Variants in USP6 observed in about 807,000 individuals in gnomAD.
USP6 encodes the protein ubiquitin carboxyl-terminal hydrolase 6.
In USP6, 128 loss-of-function variants were observed where a neutral mutation model predicts 175.7. That is an observed-to-expected ratio of 0.73 (90% CI 0.63 to 0.84). The LOEUF (loss-of-function observed/expected upper bound fraction) is 0.84, where lower values mean the gene tolerates loss of function less well. USP6 is among the 40% of genes least tolerant of loss of function. USP6 has a pLI of 0.00. For synonymous variants in USP6, 562 were observed against 630.6 expected, an observed-to-expected ratio of 0.89 and a Z score of 1.63; for missense variants, 1,498 against 1,760.3, an observed-to-expected ratio of 0.85 and a Z score of 2.67.
At position 5,140,182 on chromosome 17, in the gene USP6, A is replaced by G. The variant is rs1332528866; in HGVS notation, c.1498+508A>G. On this transcript the variant is annotated intron_variant, in intron 22 of 37. Transcript: ENST00000574788. Reference sequence around the variant, plus strand: ...GTTTCCTGTTGAAATGATTTTAGATATACAGAAATATTGTAAAGGCACTAC... The same window carrying G: ...GTTTCCTGTTGAAATGATTTTAGATGTACAGAAATATTGTAAAGGCACTAC... Among the ~76,000 whole-genome samples, 5 of 152,180 alleles carry G rather than the reference A, an allele frequency of 3.3e-5. No homozygotes were observed. The East Asian group carries it at 9.6e-4, about 29-fold the overall frequency.
chr17:5,146,979 T>A (rs758796833), intron 28 of USP6, 104 bp from the exon 29 acceptor site: 19 of 1,180,546 alleles, frequency 1.6e-5, no homozygotes, highest in Non-Finnish European at 2.2e-5. Flanking sequence ...GTTGGTTTTA[T>A]GGATGAAAGG....
intron 37 of USP6, among the ~76,000 whole-genome samples, chr17:5,172,183 A>AG (rs2074236004): frequency 6.6e-6 from 1 of 151,728 alleles, no homozygotes; most frequent in African/African-American, 2.4e-5. Flanking sequence ...TCAAAAAAAA[A>AG]AAAAAAAAGT....
At chr17:5,138,819 G>C (rs1005122775) in intron 21 of USP6, among the ~76,000 whole-genome samples, 20 of 152,194 alleles carry the variant, frequency 1.3e-4, no homozygotes, top group African/African-American at 4.8e-4. Flanking sequence ...GGTCAGTCCT[G>C]GCATGGACTG....
intron 4 of USP6, among the ~76,000 whole-genome samples, chr17:5,124,084 A>G (rs1389397201): frequency 6.6e-6 from 1 of 152,140 alleles, no homozygotes; most frequent in African/African-American, 2.4e-5. Context: ...CAGGCTGCCT[A>G]CCCACGGGCA....
intron 30 of USP6, among the ~76,000 whole-genome samples, chr17:5,153,865 AGGCT>A (rs1452561060): frequency 1.3e-5 from 2 of 152,022 alleles, no homozygotes; most frequent in Non-Finnish European, 2.9e-5. Context: ...CGTATTGGCC[AGGCT>A]GGTCTCGCAC....
chr17:5,133,530 A>G lies in USP6; in HGVS notation c.364A>G (p.Lys122Glu). The change falls in exon 14 of 38, where the codon AAA becomes GAA. Residue 122 changes from lysine (K) to glutamate (E), a missense_variant. Lys to Glu is a moderately conservative substitution (Grantham distance 56, BLOSUM62 1). This residue lies in a region of USP6 where 281 missense variants were observed against 259.6 expected (regional missense o/e 1.08). Transcript: ENST00000574788. ...VLLNIQEIKL[K>E]NPGRYQIMKE... is the part of the protein sequence containing the mutation. Reference sequence around the variant, plus strand: ...CCTGAACATTCAGGAAATCAAGTTGAAAAACCCCGGAAGATACCAGGTATG... The same window carrying G: ...CCTGAACATTCAGGAAATCAAGTTGGAAAACCCCGGAAGATACCAGGTATG... 2 of 1,611,214 alleles carry G rather than the reference A, an allele frequency of 1.2e-6. No individual in the cohort carries two copies. The highest frequency in any genetic ancestry group is 2.7e-5 in the African/African-American group (2 of 74,906).
At chr17:5,139,137 G>T in intron 21 of USP6, 118 bp from the exon 22 acceptor site, 1 of 1,597,696 alleles carries the variant, frequency 6.3e-7, no homozygotes, top group South Asian at 1.1e-5. Context: ...GTCAGTGTCA[G>T]ACCACAGGGG....
intron 14 of USP6, 92 bp downstream of exon 14, chr17:5,133,642 G>A: frequency 3.9e-6 from 4 of 1,020,852 alleles, no homozygotes; most frequent in South Asian, 2.6e-5. Flanking sequence ...CCTGGGGTGG[G>A]GGGGTGGGAG....
chr17:5,132,100 G>C lies in USP6; in HGVS notation c.156-296G>C. 1 of 1,109,678 alleles carries C rather than the reference G, an allele frequency of 9.0e-7. No homozygotes were observed. The highest frequency in any genetic ancestry group is 1.2e-6 in the Non-Finnish European group (1 of 816,508). 68.7% of individuals were successfully genotyped at this position (1,109,678 alleles called of 1,614,324 possible). A position where few individuals can be genotyped will look rare whatever the true frequency, so the allele number is the denominator to read the frequency against. On this transcript the variant is annotated intron_variant, in intron 11 of 37. Transcript: ENST00000574788. This position sits in a 1 kb window ranked among gnomAD's most constrained non-coding sequence, Gnocchi z 4.7. ...GGGCTAACCTTTCTCAGCTCCAGCA[G>C]AAAGCACCACCTCAAGTCCAGGATG...
intron 30 of USP6, among the ~76,000 whole-genome samples, chr17:5,152,666 A>G (rs1158335304): frequency 1.2e-4 from 19 of 152,188 alleles, no homozygotes; most frequent in Admixed American, 1.2e-3. Context: ...GTATAAATGA[A>G]TCTCGTAAAC....
chr17:5,144,636 A>T, intron 25 of USP6, 54 bp from the exon 26 acceptor site: 1 of 1,595,848 alleles, frequency 6.3e-7, no homozygotes. Flanking sequence ...GGACATGTTC[A>T]TTCCAAATTT....
rs1246639168 is a variant in USP6, at chr17:5,134,492, C to T, written c.494+496C>T. 1.6e-5 allele frequency: 3 copies of T among 189,698 alleles called. No homozygotes were observed. In the East Asian group the frequency reaches 4.5e-4, roughly 28 times the overall value. The allele number at this position is 189,698 out of a possible 1,614,324, so 11.8% of individuals were successfully genotyped here. ...TGAACCACACATCCCCATGGTGTCA[C>T]AGATATTGAACCCACTGATTTGAAA... is the stretch of plus-strand genomic sequence containing the variant. On this transcript the variant is annotated intron_variant, in intron 15 of 37. Coordinates refer to ENST00000574788, the MANE Select transcript of USP6 (RefSeq NM_001304284.2).
At chr17:5,158,661 G>GAGAGAT in intron 31 of USP6, among the ~76,000 whole-genome samples, 1 of 140,214 alleles carries the variant, frequency 7.1e-6, no homozygotes, top group African/African-American at 2.6e-5. Flanking sequence ...GAGAGAGAGA[G>GAGAGAT]AGAGAGAGAG....
intron 30 of USP6, among the ~76,000 whole-genome samples, chr17:5,150,331 T>TAAATAAATA (rs1242397693): frequency 1.4e-5 from 2 of 147,194 alleles, no homozygotes; most frequent in East Asian, 2.1e-4. Context: ...AATAAATAAA[T>TAAATAAATA]AAATAAAATA....
intron 25 of USP6, among the ~76,000 whole-genome samples, chr17:5,143,630 G>A (rs1372244487): frequency 6.6e-6 from 1 of 151,816 alleles, no homozygotes; most frequent in Non-Finnish European, 1.5e-5. Flanking sequence ...AGGGCCGCAG[G>A]GTCCTCTGCC....
chr17:5,171,486 T>G (rs2074215183), intron 36 of USP6, 101 bp from the exon 37 acceptor site: 1 of 1,115,790 alleles, frequency 9.0e-7, no homozygotes, highest in African/African-American at 1.6e-5. Context: ...CACCTATTGA[T>G]CATTTACATG....
Position 5,137,657 on chromosome 17 carries a change from C to G in USP6, c.832C>G (p.Leu278Val). 2 of 1,605,320 alleles carry G rather than the reference C, an allele frequency of 1.2e-6. No homozygotes were observed. The highest frequency in any genetic ancestry group is 1.7e-6 in the Non-Finnish European group (2 of 1,174,268). ...LLRNLIDGIS[L>V]GLTLRLWDVY... ...ATACCTGCTGTCCCCACAGATCTCT[C>G]TCGGGCTCACCCTGCGCCTGTGGGA... The change falls in exon 20 of 38, where the codon CTC (leucine) becomes GTC (valine). Residue 278 changes from leucine to valine, a missense_variant. By Grantham distance (32) the Leu-to-Val change is conservative. Coordinates refer to ENST00000574788, the MANE Select transcript of USP6 (RefSeq NM_001304284.2).
At chr17:5,123,852 CTGT>C (rs1419210975) in intron 4 of USP6, among the ~76,000 whole-genome samples, 3 of 151,854 alleles carry the variant, frequency 2.0e-5, no homozygotes, top group Non-Finnish European at 4.4e-5. Flanking sequence ...GTTGAGGATG[CTGT>C]TAACACCGTA....
chr17:5,123,666 C>A (rs1253595693), intron 4 of USP6, among the ~76,000 whole-genome samples: 1 of 152,206 alleles, frequency 6.6e-6, no homozygotes, highest in Non-Finnish European at 1.5e-5. Context: ...CGCATACTCA[C>A]ACGTTCCTGC....
Sources: allele counts gnomAD v4.1 joint callset (sites outside exome capture counted in the v4.1 genomes callset), GRCh38; gene constraint gnomAD v4.1.1; regional missense constraint gnomAD v4.1.1; non-coding constraint Gnocchi (gnomAD v3.1); transcripts MANE v1.5; gene names NCBI Gene and HGNC (gene_info 2026-07-23, HGNC 2026-07-21).